LARP4B: variants seen among roughly 807,000 people sequenced by gnomAD.
The protein encoded by LARP4B is La ribonucleoprotein 4B, also known as la-related protein 4B.
Under a neutral mutation model 89.8 loss-of-function variants are expected in LARP4B, and 12 were observed. The observed-to-expected ratio is 0.13, with a 90% CI of 0.09 to 0.22. The LOEUF (loss-of-function observed/expected upper bound fraction) is 0.22, where lower values mean the gene tolerates loss of function less well. Among genes scored for constraint, LARP4B ranks in the 10% least tolerant of loss-of-function variants. LARP4B has a pLI of 1.00. For synonymous variants in LARP4B, 367 were observed against 363.3 expected, an observed-to-expected ratio of 1.01 and a Z score of -0.12; for missense variants, 757 against 947.7, an observed-to-expected ratio of 0.80 and a Z score of 2.64.
At chr10:819,872 G>C (rs1832254493) in intron 14 of LARP4B, 1 of 152,262 alleles carries the variant, frequency 6.6e-6, no homozygotes, top group South Asian at 2.1e-4. Flanking sequence ...TGAGGGGCTG[G>C]ACCAGGATTT....
intron 15 of LARP4B, among the ~76,000 whole-genome samples, chr10:815,890 G>A (rs1424854471): frequency 6.6e-6 from 1 of 152,220 alleles, no homozygotes; most frequent in Admixed American, 6.5e-5. Context: ...CCAGCTTGGT[G>A]GAAACAAGAG....
At chr10:920,617 T>C (rs1564446959) in intron 1 of LARP4B, among the ~76,000 whole-genome samples, 1 of 151,804 alleles carries the variant, frequency 6.6e-6, no homozygotes, top group Non-Finnish European at 1.5e-5. Flanking sequence ...CTACTAAAAC[T>C]ATAAAAATAA....
chr10:978,941 CCTT>C, the LARP4B span, among the ~76,000 whole-genome samples: 1 of 152,132 alleles, frequency 6.6e-6, no homozygotes, highest in Admixed American at 6.5e-5. Flanking sequence ...CACCCCCCCT[CCTT>C]AATATTGAAG....
chr10:979,560 G>T, the LARP4B span, among the ~76,000 whole-genome samples: 3 of 152,300 alleles, frequency 2.0e-5, no homozygotes, highest in East Asian at 5.8e-4. Context: ...CATTTGCTAG[G>T]TTCTATCATT....
chr10:940,148 G>A, the LARP4B span, among the ~76,000 whole-genome samples: 2 of 151,920 alleles, frequency 1.3e-5, no homozygotes, highest in Admixed American at 1.3e-4. Context: ...CTCCCGAGTA[G>A]CTGGGATTAC....
At chr10:875,335 G>A (rs981916465) in intron 3 of LARP4B, among the ~76,000 whole-genome samples, 1 of 152,194 alleles carries the variant, frequency 6.6e-6, no homozygotes, top group African/African-American at 2.4e-5. Context: ...CAGACTTTAA[G>A]TAGTTGGAAT....
At chr10:857,829 A>C (rs1220105631) in intron 5 of LARP4B, among the ~76,000 whole-genome samples, 1 of 152,128 alleles carries the variant, frequency 6.6e-6, no homozygotes, top group Non-Finnish European at 1.5e-5. Context: ...GACTTTATAC[A>C]CCACTGAAAA....
chr10:968,398 C>G, the LARP4B span, among the ~76,000 whole-genome samples: 4 of 152,126 alleles, frequency 2.6e-5, no homozygotes, highest in African/African-American at 9.7e-5. Flanking sequence ...ACTTAGCAAC[C>G]CTTTATTAGC....
chr10:973,776 C>T, the LARP4B span, among the ~76,000 whole-genome samples: 1 of 152,170 alleles, frequency 6.6e-6, no homozygotes, highest in Non-Finnish European at 1.5e-5. Flanking sequence ...AGGTTACATG[C>T]ACTAGATCTT....
At chr10:923,970 C>G (rs2132054527) in intron 1 of LARP4B, among the ~76,000 whole-genome samples, 1 of 152,266 alleles carries the variant, frequency 6.6e-6, no homozygotes, top group South Asian at 2.1e-4. Flanking sequence ...CATTTTTAGG[C>G]CAGGTGCAAT....
At chr10:908,631 G>A (rs1447869869) in intron 1 of LARP4B, among the ~76,000 whole-genome samples, 2 of 152,206 alleles carry the variant, frequency 1.3e-5, no homozygotes, top group African/African-American at 2.4e-5. Flanking sequence ...TTGCTGGTGG[G>A]GAGAAATCCC....
upstream of LARP4B, among the ~76,000 whole-genome samples, chr10:931,966 C>A (rs1830636721): frequency 6.8e-6 from 1 of 146,652 alleles, no homozygotes; most frequent in African/African-American, 2.5e-5. Flanking sequence ...GCACGCCGCA[C>A]GTCCGCCCCG....
chr10:918,244 T>C (rs151301879), intron 1 of LARP4B, among the ~76,000 whole-genome samples: 161 of 152,302 alleles, frequency 1.1e-3, no homozygotes, highest in African/African-American at 3.6e-3. Flanking sequence ...GCTGAGCAAC[T>C]TGGTCTATGC....
At chr10:883,405 G>C (rs1008832893) in intron 3 of LARP4B, among the ~76,000 whole-genome samples, 33 of 152,266 alleles carry the variant, frequency 2.2e-4, no homozygotes, top group African/African-American at 7.7e-4. Context: ...CAGCTACTCG[G>C]GAGGCTGAGG....
intron 5 of LARP4B, 75 bp from the exon 6 acceptor site, chr10:845,130 T>G: frequency 9.7e-7 from 1 of 1,027,022 alleles, no homozygotes; most frequent in Non-Finnish European, 1.5e-6. Context: ...ACAGCAGTTC[T>G]AATGCTTTCA....
intron 3 of LARP4B, 91 bp from the exon 4 acceptor site, chr10:864,361 A>G: frequency 8.4e-7 from 1 of 1,191,726 alleles, no homozygotes; most frequent in Non-Finnish European, 1.2e-6. Flanking sequence ...CATCAGATAT[A>G]GGCTCCAAAG....
chr10:981,036 G>A, the LARP4B span, among the ~76,000 whole-genome samples: 2 of 152,216 alleles, frequency 1.3e-5, no homozygotes, highest in Non-Finnish European at 2.9e-5. Context: ...TTGCTGCTTA[G>A]TAATTTCTTC....
the LARP4B span, among the ~76,000 whole-genome samples, chr10:970,960 C>T: frequency 8.5e-5 from 13 of 152,188 alleles, no homozygotes; most frequent in Non-Finnish European, 1.2e-4. Flanking sequence ...GATTGCTCTG[C>T]TGCGTGTCAG....
chr10:917,243 TTC>T (rs1471805590), intron 1 of LARP4B, among the ~76,000 whole-genome samples: 1 of 152,254 alleles, frequency 6.6e-6, no homozygotes, highest in Non-Finnish European at 1.5e-5. Flanking sequence ...GGAAGCTTTT[TTC>T]TTTCAAGCTT....
Sources: allele counts gnomAD v4.1 joint callset (sites outside exome capture counted in the v4.1 genomes callset), GRCh38; gene constraint gnomAD v4.1.1; transcripts MANE v1.5; gene names NCBI Gene and HGNC (gene_info 2026-07-23, HGNC 2026-07-21).